The following PROSER2 variants were observed in gnomAD, a reference collection of about 807,000 sequenced individuals.
PROSER2 encodes proline and serine rich 2.
PROSER2 carries 18 observed loss-of-function variants against 14.6 expected under a neutral mutation model. The ratio of observed to expected loss-of-function variants is 1.23; its 90% CI spans 0.85 to 1.83. The LOEUF (loss-of-function observed/expected upper bound fraction) is 1.83. Among genes scored for constraint, PROSER2 ranks in the 40% most tolerant of loss-of-function variants. The probability of loss-of-function intolerance (pLI) is 0.00; values close to 1 mark genes in which losing one functional copy is unlikely to be tolerated. For missense variants in PROSER2, 823 were observed against 629.8 expected (o/e 1.31, Z -3.28); for synonymous variants, 367 against 286.4 (o/e 1.28, Z -2.84).
At chr10:11,826,630 T>A (rs903705027) in intron 1 of PROSER2, among the ~76,000 whole-genome samples, 2 of 152,214 alleles carry the variant, frequency 1.3e-5, no homozygotes, top group African/African-American at 4.8e-5. Context: ...CAGGCTGGAG[T>A]GCAGTGGTGT....
intron 1 of PROSER2, among the ~76,000 whole-genome samples, chr10:11,827,346 G>C (rs911962867): frequency 6.7e-6 from 1 of 149,830 alleles, no homozygotes; most frequent in African/African-American, 2.4e-5. Flanking sequence ...CTGAGAACTC[G>C]ATTCTCTTTT....
chr10:11,853,080 G>A lies in PROSER2; in HGVS notation c.138+865G>A, dbSNP rs565029708. Among the ~76,000 whole-genome samples, 12 of 152,200 alleles carry A rather than the reference G, an allele frequency of 7.9e-5. No homozygotes were observed. In the South Asian group the frequency reaches 2.5e-3, roughly 32 times the overall value. On this transcript the variant is annotated intron_variant, in intron 2 of 3. Transcript: ENST00000277570. ...GAGCACAGGAGAGAAATGGTCCCCC[G>A]GGCCTCACTAGGAACCATTGGGGGC...
At chr10:11,848,273 A>C (rs952114397) in intron 1 of PROSER2, among the ~76,000 whole-genome samples, 1 of 152,108 alleles carries the variant, frequency 6.6e-6, no homozygotes, top group Non-Finnish European at 1.5e-5. Flanking sequence ...GGTTCAAGCA[A>C]TTCTTCTGCC....
At chr10:11,843,452 C>T (rs1833879287) in intron 1 of PROSER2, among the ~76,000 whole-genome samples, 1 of 151,388 alleles carries the variant, frequency 6.6e-6, no homozygotes. Context: ...CTTTGGGAGG[C>T]CAAGGCGGGC....
At position 11,830,974 on chromosome 10, in the gene PROSER2, G is replaced by A. The variant is rs750563248; in HGVS notation, c.-82+7504G>A. Among the ~76,000 whole-genome samples the A allele has an allele frequency of 6.6e-6, 1 of 152,178 alleles. No individual in the cohort carries two copies. Among genetic ancestry groups the A allele is most frequent in the South Asian group, 2.1e-4 (1 of 4,826 alleles). ...ACTGACATCATCCATCATCTGGCTC[G>A]CAAAGGGACTGGTGGAAGATGAGGT... is the stretch of plus-strand genomic sequence containing the variant. On this transcript the variant is annotated intron_variant, in intron 1 of 3. Transcript: ENST00000277570. The surrounding 1 kb of genome is among the most constrained non-coding windows in gnomAD (Gnocchi z 4.5).
rs1273230812 is a variant in PROSER2, at chr10:11,830,179, A to G, written c.-82+6709A>G. ...TTTTCAGCCCTCCTCTCCCCACTCCATGGACCTTCCCACCTTTTGGAGTCT... is the reference window on the plus strand; with the variant it reads ...TTTTCAGCCCTCCTCTCCCCACTCCGTGGACCTTCCCACCTTTTGGAGTCT... On this transcript the variant is annotated intron_variant, in intron 1 of 3. Coordinates refer to ENST00000277570, the MANE Select transcript of PROSER2 (RefSeq NM_153256.4). The surrounding 1 kb of genome is among the most constrained non-coding windows in gnomAD (Gnocchi z 4.5). 1.3e-5 allele frequency among the ~76,000 whole-genome samples: 2 copies of G among 151,980 alleles called. No individual in the cohort carries two copies. The highest frequency in any genetic ancestry group is 4.8e-5 in the African/African-American group (2 of 41,362).
intron 1 of PROSER2, among the ~76,000 whole-genome samples, chr10:11,833,927 C>T (rs1432954560): frequency 2.0e-5 from 3 of 148,910 alleles, no homozygotes; most frequent in Non-Finnish European, 3.0e-5. Flanking sequence ...GCTTTGAAGC[C>T]TGGGAGGAGG....
At chr10:11,843,692 A>G (rs1833883744) in intron 1 of PROSER2, among the ~76,000 whole-genome samples, 1 of 150,996 alleles carries the variant, frequency 6.6e-6, no homozygotes, top group Non-Finnish European at 1.5e-5. Flanking sequence ...TCTCAAAAAA[A>G]AAAAAAAAAA....
chr10:11,853,070 A>G (rs1470139138), intron 2 of PROSER2, among the ~76,000 whole-genome samples: 1 of 152,088 alleles, frequency 6.6e-6, no homozygotes, highest in Non-Finnish European at 1.5e-5. Context: ...CAGGAGAGAA[A>G]TGGTCCCCCG....
chr10:11,837,644 T>G lies in PROSER2; in HGVS notation c.-82+14174T>G, dbSNP rs886265978. 6.6e-6 allele frequency among the ~76,000 whole-genome samples: 1 copy of G among 152,224 alleles called. No individual in the cohort carries two copies. Among genetic ancestry groups the G allele is most frequent in the Non-Finnish European group, 1.5e-5 (1 of 68,036 alleles). On this transcript the variant is annotated intron_variant, in intron 1 of 3. Coordinates refer to ENST00000277570, the MANE Select transcript of PROSER2 (RefSeq NM_153256.4). This position sits in a 1 kb window ranked among gnomAD's most constrained non-coding sequence, Gnocchi z 4.6. ...TGGTTAAGGGGAATAATTTTTCCAT[T>G]CACGTTCAGAACTACCAAAGACAGT...
In PROSER2 at chr10:11,870,522, C is replaced by T. The variant is rs1834465145; in HGVS notation, c.*116C>T. 4 of 912,434 alleles carry T rather than the reference C, an allele frequency of 4.4e-6. No homozygotes were observed. Among genetic ancestry groups the T allele is most frequent in the South Asian group, 2.3e-5 (1 of 43,636 alleles). The allele number at this position is 912,434 out of a possible 1,614,324, so 56.5% of individuals were successfully genotyped here. On this transcript the variant is annotated 3_prime_UTR_variant, in exon 4 of 4. Transcript: ENST00000277570. Reference sequence around the variant, plus strand: ...TGGAAGTGACAGCGGGAGCCCCTGCCCTCTGTGGCACATCGGAGTCTAGAG... The same window carrying T: ...TGGAAGTGACAGCGGGAGCCCCTGCTCTCTGTGGCACATCGGAGTCTAGAG...
chr10:11,863,735 G>GT (rs1251013237), intron 2 of PROSER2, among the ~76,000 whole-genome samples: 1 of 151,830 alleles, frequency 6.6e-6, no homozygotes, highest in African/African-American at 2.4e-5. Flanking sequence ...TATATCCTTT[G>GT]TTTTTTTCAT....
chr10:11,870,375 G>A lies in PROSER2; in HGVS notation c.1277G>A (p.Arg426Gln), dbSNP rs1235535984. The A allele has an allele frequency of 6.0e-6, 9 of 1,507,518 alleles. No individual in the cohort carries two copies. Among genetic ancestry groups the A allele is most frequent in the Non-Finnish European group, 8.0e-6 (9 of 1,129,822 alleles). The allele number at this position is 1,507,518 out of a possible 1,614,324, so 93.4% of individuals were successfully genotyped here. Residue 426 changes from arginine to glutamine, a missense_variant, in exon 4 of 4, where the codon CGG becomes CAG. Coordinates refer to ENST00000277570, the MANE Select transcript of PROSER2 (RefSeq NM_153256.4). ...SSEEARREAL[R>Q]KLGLLRESS ...GAGGAGGCGCGCAGGGAGGCCCTGCGGAAGCTGGGGCTGCTCAGGGAGAGT... is the reference window on the plus strand; with the variant it reads ...GAGGAGGCGCGCAGGGAGGCCCTGCAGAAGCTGGGGCTGCTCAGGGAGAGT...
intron 1 of PROSER2, among the ~76,000 whole-genome samples, chr10:11,845,829 T>A (rs1564305899): frequency 6.6e-6 from 1 of 152,130 alleles, no homozygotes; most frequent in Non-Finnish European, 1.5e-5. Context: ...ACATTCCTGC[T>A]CCTGAGGCAG....
At position 11,865,220 on chromosome 10, in the gene PROSER2, G is replaced by C. The variant is rs976131158; in HGVS notation, c.139-1311G>C. 6.7e-6 allele frequency among the ~76,000 whole-genome samples: 1 copy of C among 150,090 alleles called. No individual in the cohort carries two copies. The highest frequency in any genetic ancestry group is 2.5e-5 in the African/African-American group (1 of 40,680). ...TTATCCTTTTTTTTCATAGTTTTCTGATTTTACAACTTTATCTTTTAGGCT... is the reference window on the plus strand; with the variant it reads ...TTATCCTTTTTTTTCATAGTTTTCTCATTTTACAACTTTATCTTTTAGGCT... On this transcript the variant is annotated intron_variant, in intron 2 of 3. Coordinates refer to ENST00000277570, the MANE Select transcript of PROSER2 (RefSeq NM_153256.4). This position sits in a 1 kb window ranked among gnomAD's most constrained non-coding sequence, Gnocchi z 4.2.
In PROSER2 at chr10:11,870,010, G is replaced by C. The variant is rs1471991912; in HGVS notation, c.912G>C (p.Glu304Asp). 4.8e-6 allele frequency: 6 copies of C among 1,243,450 alleles called. No homozygotes were observed. The African/African-American group carries it at 7.9e-5, about 16-fold the overall frequency. The allele number at this position is 1,243,450 out of a possible 1,614,324, so 77.0% of individuals were successfully genotyped here. Reference protein sequence around the residue: ...GAFPAAGDAGEGAPGGGSSPE... With the variant: ...GAFPAAGDAGDGAPGGGSSPE... ...TCCCCGCCGCGGGGGACGCCGGCGA[G>C]GGGGCCCCAGGGGGCGGCTCCTCCC... is the stretch of plus-strand genomic sequence containing the variant. Residue 304 changes from glutamate (E) to aspartate (D), a missense_variant, in exon 4 of 4, where the codon GAG becomes GAC. By Grantham distance (45) the Glu-to-Asp change is conservative. Coordinates refer to ENST00000277570, the MANE Select transcript of PROSER2 (RefSeq NM_153256.4).
At chr10:11,826,386 C>G (rs531151691) in intron 1 of PROSER2, among the ~76,000 whole-genome samples, 26 of 152,160 alleles carry the variant, frequency 1.7e-4, no homozygotes, top group African/African-American at 2.6e-4. Context: ...CTTTTGGGTC[C>G]GTACCTGAAA....
chr10:11,869,654 A>G lies in PROSER2; in HGVS notation c.556A>G (p.Arg186Gly), dbSNP rs1399808520. The G allele has an allele frequency of 2.5e-6, 4 of 1,600,998 alleles. No individual in the cohort carries two copies. Among genetic ancestry groups the G allele is most frequent in the South Asian group, 1.1e-5 (1 of 89,164 alleles). The part of the protein sequence containing the change: ...RAPSPPVEHP[R>G]LLRSVPTPLV... ...CCCCTCCCCGCCGGTGGAGCACCCC[A>G]GACTCCTGCGCTCTGTTCCCACGCC... The change falls in exon 4 of 4, where the codon AGA becomes GGA. Residue 186 changes from arginine to glycine, a missense_variant. Transcript: ENST00000277570. The surrounding 1 kb of genome is among the most constrained non-coding windows in gnomAD (Gnocchi z 4.4).
intron 1 of PROSER2, among the ~76,000 whole-genome samples, chr10:11,829,163 G>A (rs1010441768): frequency 6.6e-6 from 1 of 151,926 alleles, no homozygotes; most frequent in Non-Finnish European, 1.5e-5. Flanking sequence ...ACTTGAAGTT[G>A]AACAGGATGT....
Sources: allele counts gnomAD v4.1 joint callset (sites outside exome capture counted in the v4.1 genomes callset), GRCh38; gene constraint gnomAD v4.1.1; non-coding constraint Gnocchi (gnomAD v3.1); transcripts MANE v1.5; gene names NCBI Gene and HGNC (gene_info 2026-07-23, HGNC 2026-07-21).